CTNNA3: variants seen among roughly 807,000 people sequenced by gnomAD.
CTNNA3 encodes catenin alpha 3.
In CTNNA3, 76 loss-of-function variants were observed where a neutral mutation model predicts 95.7. The ratio of observed to expected loss-of-function variants is 0.79; its 90% CI spans 0.66 to 0.96. The LOEUF is 0.96. Among genes scored for constraint, CTNNA3 ranks in the 40% least tolerant of loss-of-function variants. The pLI, the probability that CTNNA3 is intolerant of heterozygous loss-of-function variation, is 0.00. For synonymous variants in CTNNA3, 431 were observed against 374.4 expected (o/e 1.15, Z -1.74); for missense variants, 1,191 against 1,089.8 (o/e 1.09, Z -1.31).
chr10:66,897,465 TA>T (rs1845545572), intron 7 of CTNNA3, among the ~76,000 whole-genome samples: 1 of 152,024 alleles, frequency 6.6e-6, no homozygotes. Flanking sequence ...CAGTAATTCA[TA>T]AAAATTAAAA....
At chr10:67,550,839 G>A (rs1474935427) in intron 3 of CTNNA3, among the ~76,000 whole-genome samples, 2 of 152,124 alleles carry the variant, frequency 1.3e-5, no homozygotes, top group African/African-American at 4.8e-5. Context: ...ATTTTAGTGT[G>A]AAGATTTATC....
At chr10:66,379,551 T>C (rs1244093832) in intron 11 of CTNNA3, among the ~76,000 whole-genome samples, 199 bp from the exon 12 acceptor site, 1 of 152,180 alleles carries the variant, frequency 6.6e-6, no homozygotes, top group East Asian at 1.9e-4. Context: ...CCATGAAATA[T>C]AACATGTTAC....
chr10:66,472,126 C>T (rs545120766), intron 11 of CTNNA3, among the ~76,000 whole-genome samples: 19 of 151,878 alleles, frequency 1.3e-4, no homozygotes, highest in Non-Finnish European at 2.4e-4. Context: ...AAGATGCTAG[C>T]CTATATACAC....
At chr10:66,453,413 T>C (rs1291416111) in intron 11 of CTNNA3, among the ~76,000 whole-genome samples, 1 of 152,162 alleles carries the variant, frequency 6.6e-6, no homozygotes, top group African/African-American at 2.4e-5. Context: ...TTGGCATCAG[T>C]TGTGAAAGTC....
chr10:66,820,642 TAAAAAAA>T (rs58323145), intron 7 of CTNNA3, among the ~76,000 whole-genome samples: 1 of 129,506 alleles, frequency 7.7e-6, no homozygotes, highest in Non-Finnish European at 1.7e-5. Flanking sequence ...GAAGTGAAAG[TAAAAAAA>T]AAAAAAAAAA....
chr10:67,529,890 G>A (rs1268291638), intron 4 of CTNNA3, among the ~76,000 whole-genome samples: 1 of 152,060 alleles, frequency 6.6e-6, no homozygotes, highest in African/African-American at 2.4e-5. Context: ...GAACCCGGTG[G>A]GAGGTGATTG....
At chr10:66,886,445 C>T (rs1236683152) in intron 7 of CTNNA3, among the ~76,000 whole-genome samples, 2 of 152,076 alleles carry the variant, frequency 1.3e-5, no homozygotes, top group Admixed American at 6.6e-5. Flanking sequence ...ATACTGGGAC[C>T]CTTATGTTGA....
chr10:66,296,938 C>T (rs1430491083), intron 12 of CTNNA3, among the ~76,000 whole-genome samples: 1 of 152,080 alleles, frequency 6.6e-6, no homozygotes, highest in East Asian at 1.9e-4. Flanking sequence ...TATTTTTGCC[C>T]CACTGAAAAT....
chr10:66,973,246 T>C (rs1849825126), intron 7 of CTNNA3, among the ~76,000 whole-genome samples: 1 of 152,136 alleles, frequency 6.6e-6, no homozygotes, highest in Non-Finnish European at 1.5e-5. Flanking sequence ...AAAACAGTAT[T>C]GAGTAAAGAC....
chr10:66,376,778 G>C (rs2092799469), intron 12 of CTNNA3, among the ~76,000 whole-genome samples: 1 of 152,082 alleles, frequency 6.6e-6, no homozygotes, highest in South Asian at 2.1e-4. Flanking sequence ...AGATATTACT[G>C]TTCACTTGCT....
At chr10:67,130,641 T>A (rs1437891611) in intron 7 of CTNNA3, among the ~76,000 whole-genome samples, 2 of 152,148 alleles carry the variant, frequency 1.3e-5, no homozygotes, top group Non-Finnish European at 2.9e-5. Context: ...ATACATTGTG[T>A]AGCTTATGTT....
chr10:67,716,274 A>T (rs991636945), intron 1 of CTNNA3, among the ~76,000 whole-genome samples: 1 of 152,196 alleles, frequency 6.6e-6, no homozygotes. Context: ...AGGAAAAACT[A>T]GACCATGATC....
intron 1 of CTNNA3, among the ~76,000 whole-genome samples, chr10:67,752,526 G>C (rs1040795254): frequency 6.6e-6 from 1 of 152,194 alleles, no homozygotes; most frequent in Non-Finnish European, 1.5e-5. Flanking sequence ...AATAGGAAGA[G>C]AGGAAGTTAA....
chr10:66,314,830 T>TA (rs2092075885), intron 12 of CTNNA3, among the ~76,000 whole-genome samples: 1 of 151,996 alleles, frequency 6.6e-6, no homozygotes, highest in Admixed American at 6.6e-5. Flanking sequence ...GTCAGAAGAA[T>TA]AAAAAACAGT....
chr10:67,559,337 T>C (rs1318446888), intron 3 of CTNNA3, among the ~76,000 whole-genome samples: 6 of 152,022 alleles, frequency 3.9e-5, no homozygotes, highest in African/African-American at 1.5e-4. Context: ...TTCACGAAAA[T>C]ACGCTGTTCT....
At chr10:66,929,844 A>G (rs1158923063) in intron 7 of CTNNA3, among the ~76,000 whole-genome samples, 1 of 152,198 alleles carries the variant, frequency 6.6e-6, no homozygotes, top group Non-Finnish European at 1.5e-5. Flanking sequence ...ACCACAGTCA[A>G]TTAAGGTTTT....
chr10:66,506,016 C>T (rs892497611), intron 11 of CTNNA3, among the ~76,000 whole-genome samples: 1 of 152,116 alleles, frequency 6.6e-6, no homozygotes, highest in Non-Finnish European at 1.5e-5. Flanking sequence ...CTGGTGAGGG[C>T]TTCAGGCTGC....
At chr10:66,136,971 G>A (rs1453956170) in intron 13 of CTNNA3, among the ~76,000 whole-genome samples, 1 of 152,028 alleles carries the variant, frequency 6.6e-6, no homozygotes, top group Non-Finnish European at 1.5e-5. Context: ...ACAGGTGCGT[G>A]CCACCATGCC....
At chr10:67,558,634 G>A (rs1205702993) in intron 3 of CTNNA3, among the ~76,000 whole-genome samples, 1 of 152,174 alleles carries the variant, frequency 6.6e-6, no homozygotes, top group Admixed American at 6.5e-5. Context: ...CAGACAGTGG[G>A]CACAGGACAG....
Sources: allele counts gnomAD v4.1 joint callset (sites outside exome capture counted in the v4.1 genomes callset), GRCh38; gene constraint gnomAD v4.1.1; transcripts MANE v1.5; gene names NCBI Gene and HGNC (gene_info 2026-07-23, HGNC 2026-07-21).